The following SLC17A5 variants were observed in gnomAD, a reference collection of about 807,000 sequenced individuals.
SLC17A5 encodes the protein sialin.
SLC17A5 carries 47 observed loss-of-function variants against 59.4 expected under a neutral mutation model. That is an observed-to-expected ratio of 0.79 (90% confidence interval 0.63 to 1.01). The LOEUF (loss-of-function observed/expected upper bound fraction) is 1.01, where lower values mean the gene tolerates loss of function less well. Ranked by LOEUF, SLC17A5 falls within the 50% of genes least tolerant of loss-of-function variation. SLC17A5 has a pLI of 0.00. For missense variants in SLC17A5, 522 were observed against 595.5 expected (o/e 0.88, Z 1.28); for synonymous variants, 202 against 210.7 (o/e 0.96, Z 0.36).
chr6:73,609,166 T>C (rs1051233667), intron 9 of SLC17A5, among the ~76,000 whole-genome samples: 2 of 152,236 alleles, frequency 1.3e-5, no homozygotes, highest in African/African-American at 4.8e-5. Flanking sequence ...CTATTATTTT[T>C]ACAAATAAAG....
chr6:73,595,986 G>A lies in SLC17A5; in HGVS notation c.1351-772C>T, dbSNP rs140942085. 1.8e-3 allele frequency among the ~76,000 whole-genome samples: 259 copies of A among 147,872 alleles called. 1 individual carries two copies. Among genetic ancestry groups the A allele is most frequent in the African/African-American group, 6.1e-3 (244 of 40,170 alleles). On this transcript the variant is annotated intron_variant, in intron 10 of 10. Transcript: ENST00000355773. ...CATATACATATATATATATATTTTT[G>A]GTAGAGATGGGGTTTCGCCATGTTT...
At chr6:73,625,559 C>A (rs1308115175) in intron 6 of SLC17A5, among the ~76,000 whole-genome samples, 1 of 151,930 alleles carries the variant, frequency 6.6e-6, no homozygotes, top group African/African-American at 2.4e-5. Context: ...AACATTGATT[C>A]TTTTACAGCA....
chr6:73,631,141 G>A (rs915081549), intron 6 of SLC17A5, among the ~76,000 whole-genome samples: 1 of 151,180 alleles, frequency 6.6e-6, no homozygotes, highest in Non-Finnish European at 1.5e-5. Flanking sequence ...TTGTCCTGTT[G>A]AACCGAAACC....
chr6:73,644,278 A>T, intron 2 of SLC17A5, 129 bp downstream of exon 2: 1 of 751,942 alleles, frequency 1.3e-6, no homozygotes, highest in Non-Finnish European at 2.1e-6. Context: ...GGAAAACACA[A>T]AAAGAAAGTG....
chr6:73,653,372 C>T, intron 1 of SLC17A5: 2 of 985,448 alleles, frequency 2.0e-6, no homozygotes, highest in South Asian at 9.4e-5. Context: ...TGCTCTTACA[C>T]CGGGGTCCTC....
chr6:73,634,355 A>G (rs984100675), intron 6 of SLC17A5, among the ~76,000 whole-genome samples: 8 of 152,142 alleles, frequency 5.3e-5, no homozygotes, highest in Non-Finnish European at 1.2e-4. Context: ...TGGATTCTGG[A>G]TTTTAGAATA....
intron 7 of SLC17A5, among the ~76,000 whole-genome samples, chr6:73,619,482 G>A (rs961186203): frequency 6.6e-6 from 1 of 151,766 alleles, no homozygotes; most frequent in Non-Finnish European, 1.5e-5. Flanking sequence ...GAGCTCAGGA[G>A]TATGAAACCA....
intron 7 of SLC17A5, 106 bp from the exon 8 acceptor site, chr6:73,615,553 T>C (rs541619436): frequency 1.7e-4 from 179 of 1,070,134 alleles, no homozygotes; most frequent in Middle Eastern, 5.7e-4. Context: ...AGGAAATGCA[T>C]AGCAATATGT....
intron 8 of SLC17A5, among the ~76,000 whole-genome samples, chr6:73,613,252 T>C (rs1767709842): frequency 6.6e-6 from 1 of 152,208 alleles, no homozygotes; most frequent in Admixed American, 6.5e-5. Context: ...TATAAAAATC[T>C]TCATTGCAAA....
rs1386374440 is a variant in SLC17A5 at position 73,594,747 on chromosome 6, T to C, written c.*330A>G. On this transcript the variant is annotated 3_prime_UTR_variant, in exon 11 of 11. Coordinates refer to ENST00000355773, the MANE Select transcript of SLC17A5 (RefSeq NM_012434.5). ...ACCTGAGAATTATCATCTAGTTTAATTAAGCAAAGGTATCAGGAGGTCTGT... is the reference window on the plus strand; with the variant it reads ...ACCTGAGAATTATCATCTAGTTTAACTAAGCAAAGGTATCAGGAGGTCTGT... The C allele has an allele frequency of 3.1e-6, 1 of 322,492 alleles. No individual in the cohort carries two copies. Among genetic ancestry groups the C allele is most frequent in the Admixed American group, 4.7e-5 (1 of 21,394 alleles). The allele number at this position is 322,492 out of a possible 1,614,324, so 20.0% of individuals were successfully genotyped here. A position where few individuals can be genotyped will look rare whatever the true frequency, so the allele number is the denominator to read the frequency against.
At chr6:73,621,227 A>G (rs1025287035) in intron 7 of SLC17A5, among the ~76,000 whole-genome samples, 1 of 151,870 alleles carries the variant, frequency 6.6e-6, no homozygotes, top group African/African-American at 2.4e-5. Flanking sequence ...CTGGTCTCAA[A>G]CTCCTGACCT....
At chr6:73,612,038 G>A (rs1213859658) in intron 8 of SLC17A5, among the ~76,000 whole-genome samples, 1 of 151,488 alleles carries the variant, frequency 6.6e-6, no homozygotes. Context: ...TTTGAAATAG[G>A]GTCGCATTCT....
At chr6:73,608,137 C>A (rs1459796229) in intron 9 of SLC17A5, among the ~76,000 whole-genome samples, 2 of 152,070 alleles carry the variant, frequency 1.3e-5, no homozygotes, top group East Asian at 3.9e-4. Flanking sequence ...CGATGGATTC[C>A]TCAGCATCCA....
chr6:73,646,186 C>T (rs1452673667), intron 1 of SLC17A5, among the ~76,000 whole-genome samples: 1 of 152,108 alleles, frequency 6.6e-6, no homozygotes, highest in Admixed American at 6.5e-5. Context: ...TGTTTTTCCC[C>T]TACTTAAGAA....
intron 9 of SLC17A5, among the ~76,000 whole-genome samples, chr6:73,603,355 T>A (rs1767240182): frequency 6.6e-6 from 1 of 150,920 alleles, no homozygotes; most frequent in Admixed American, 6.6e-5. Flanking sequence ...AATTGCCAAA[T>A]TGCTGGGATT....
At chr6:73,648,662 GA>G (rs1769694436) in intron 1 of SLC17A5, among the ~76,000 whole-genome samples, 1 of 152,150 alleles carries the variant, frequency 6.6e-6, no homozygotes, top group African/African-American at 2.4e-5. Context: ...TTTATCTGGA[GA>G]AAGTTATGCC....
rs116867500 is a variant in SLC17A5, at chr6:73,645,943, A to G, written c.95-1340T>C. The stretch of plus-strand genomic sequence containing the variant: ...TTCTTTTATTGAGTTGCAGAATTGG[A>G]GAGGGATAGGATTCAGGATGCTGAC... On this transcript the variant is annotated intron_variant, in intron 1 of 10. Coordinates refer to ENST00000355773, the MANE Select transcript of SLC17A5 (RefSeq NM_012434.5). 4.8e-3 allele frequency among the ~76,000 whole-genome samples: 723 copies of G among 152,068 alleles called. 34 individuals are homozygous for G. In the East Asian group the frequency reaches 0.12, roughly 26 times the overall value.
intron 7 of SLC17A5, chr6:73,618,244 GAAATAAAATAAAATA>G (rs372079299): frequency 0.023 from 3,184 of 141,338 alleles, 46 homozygotes; most frequent in South Asian, 0.044. Context: ...AAAATAAAAT[GAAATAAAATAAAATA>G]AAATAAAATA....
Position 73,641,984 on chromosome 6 carries a change from C to T in SLC17A5, c.292-60G>A, listed in dbSNP as rs920780768. On this transcript the variant is annotated intron_variant, in intron 2 of 10. Coordinates refer to ENST00000355773, the MANE Select transcript of SLC17A5 (RefSeq NM_012434.5). ...AAGACCTTCACAGAGCAGCTCTTTT[C>T]TCTTACTGGCATGTAAGTACATATA... The T allele has an allele frequency of 1.2e-5, 17 of 1,381,516 alleles. No individual in the cohort carries two copies. In the African/African-American group the frequency reaches 2.3e-4, roughly 19 times the overall value. The allele number at this position is 1,381,516 out of a possible 1,614,324, so 85.6% of individuals were successfully genotyped here. A position where few individuals can be genotyped will look rare whatever the true frequency, so the allele number is the denominator to read the frequency against.
Sources: gnomAD v4.1 joint callset for allele counts (sites outside exome capture counted in the v4.1 genomes callset) on GRCh38, gnomAD v4.1.1 for gene constraint, MANE v1.5 for transcripts, NCBI Gene and HGNC (gene_info 2026-07-23, HGNC 2026-07-21) for gene names.